TFCP2L1: variants seen among roughly 807,000 people sequenced by gnomAD.
TFCP2L1 encodes the protein transcription factor CP2-like protein 1.
Under a neutral mutation model 72.2 loss-of-function variants are expected in TFCP2L1, and 12 were observed. That is an observed-to-expected ratio of 0.17 (90% CI 0.11 to 0.27). The LOEUF is 0.27. Ranked by LOEUF, TFCP2L1 falls within the 10% of genes least tolerant of loss-of-function variation. TFCP2L1 has a pLI of 1.00. For missense variants in TFCP2L1, 488 were observed against 624.6 expected, an observed-to-expected ratio of 0.78 and a Z score of 2.33; for synonymous variants, 260 against 251.0, an observed-to-expected ratio of 1.04 and a Z score of -0.34.
chr2:121,220,358 T>C lies in TFCP2L1; in HGVS notation c.*3983A>G, dbSNP rs1685908090. 6.6e-6 allele frequency: 1 copy of C among 152,278 alleles called. No individual in the cohort carries two copies. The highest frequency in any genetic ancestry group is 2.1e-4 in the South Asian group (1 of 4,834). The allele number at this position is 152,278 out of a possible 1,614,324, so 9.4% of individuals were successfully genotyped here. A position where few individuals can be genotyped will look rare whatever the true frequency, so the allele number is the denominator to read the frequency against. ...TCCTGTCCTTTCCACAGGCATACCA[T>C]GCCCCTCCTCCAGCAAACCTATTAT... On this transcript the variant is annotated 3_prime_UTR_variant, in exon 15 of 15. Coordinates refer to ENST00000263707, the MANE Select transcript of TFCP2L1 (RefSeq NM_014553.3).
At chr2:121,232,536 GC>G (rs1686166528) in intron 12 of TFCP2L1, among the ~76,000 whole-genome samples, 1 of 152,178 alleles carries the variant, frequency 6.6e-6, no homozygotes, top group African/African-American at 2.4e-5. Context: ...ACCCAGATGG[GC>G]TGAAGGGAGT....
intron 2 of TFCP2L1, among the ~76,000 whole-genome samples, chr2:121,276,211 C>T (rs1687143348): frequency 6.6e-6 from 1 of 151,838 alleles, no homozygotes; most frequent in Admixed American, 6.6e-5. Context: ...TGCTATCCCT[C>T]CCCTTGTCCC....
intron 2 of TFCP2L1, among the ~76,000 whole-genome samples, chr2:121,269,237 C>A (rs78138885): frequency 0.028 from 4,205 of 151,492 alleles, 143 homozygotes; most frequent in African/African-American, 0.084. Flanking sequence ...TGGCTTGAGT[C>A]CAAGAGTTCG....
intron 7 of TFCP2L1, 91 bp from the exon 8 acceptor site, chr2:121,239,740 A>G: frequency 2.0e-5 from 24 of 1,205,702 alleles, no homozygotes; most frequent in Non-Finnish European, 2.7e-5. Context: ...ACTGACACCA[A>G]TGCATGAGAC....
chr2:121,236,992 G>A (rs531166239), intron 10 of TFCP2L1, among the ~76,000 whole-genome samples: 38 of 152,320 alleles, frequency 2.5e-4, no homozygotes, highest in Middle Eastern at 6.8e-3. Context: ...GAGGATGTGC[G>A]GGCGTCGTTT....
intron 2 of TFCP2L1, among the ~76,000 whole-genome samples, chr2:121,276,315 G>A (rs1019608699): frequency 1.6e-5 from 2 of 126,310 alleles, no homozygotes; most frequent in Non-Finnish European, 3.6e-5. Context: ...AATATGCGGA[G>A]TTTGGTTTTC....
chr2:121,269,932 T>C (rs1295738727), intron 2 of TFCP2L1, among the ~76,000 whole-genome samples: 1 of 114,386 alleles, frequency 8.7e-6, no homozygotes, highest in Non-Finnish European at 1.7e-5. Context: ...TATATATATA[T>C]ATATGCAAAA....
chr2:121,231,476 A>AC (rs2104666573), intron 13 of TFCP2L1, among the ~76,000 whole-genome samples: 1 of 152,216 alleles, frequency 6.6e-6, no homozygotes, highest in African/African-American at 2.4e-5. Context: ...CCCGGAGTCC[A>AC]CTTCACCTCT....
At chr2:121,232,742 C>T (rs768998481) in intron 12 of TFCP2L1, among the ~76,000 whole-genome samples, 1 of 152,156 alleles carries the variant, frequency 6.6e-6, no homozygotes, top group Non-Finnish European at 1.5e-5. Context: ...CAACACAAAC[C>T]ATACTCAGCC....
intron 2 of TFCP2L1, among the ~76,000 whole-genome samples, chr2:121,262,552 T>A: frequency 6.6e-6 from 1 of 152,126 alleles, no homozygotes. Flanking sequence ...CTGTCACAGA[T>A]CGATGAAGAC....
chr2:121,277,358 T>C (rs999863814), intron 2 of TFCP2L1, among the ~76,000 whole-genome samples: 3 of 152,146 alleles, frequency 2.0e-5, no homozygotes, highest in African/African-American at 7.2e-5. Context: ...AATGTTAGTT[T>C]AGGATTAAAT....
At chr2:121,232,023 G>A (rs940035960) in intron 12 of TFCP2L1, 55 bp from the exon 13 acceptor site, 3 of 1,531,540 alleles carry the variant, frequency 2.0e-6, no homozygotes, top group Non-Finnish European at 2.6e-6. Flanking sequence ...GTCAGTGTGA[G>A]CCTCCCACCC....
chr2:121,272,785 G>A (rs78022144), intron 2 of TFCP2L1, among the ~76,000 whole-genome samples: 6 of 152,262 alleles, frequency 3.9e-5, no homozygotes, highest in African/African-American at 1.4e-4. Flanking sequence ...TACCCATATG[G>A]CAGCACCTAC....
intron 2 of TFCP2L1, 147 bp from the exon 3 acceptor site, chr2:121,249,794 C>CT (rs1468615060): frequency 2.0e-5 from 15 of 738,798 alleles, no homozygotes; most frequent in South Asian, 3.5e-5. Flanking sequence ...CCACGACCAG[C>CT]TCAGCTCACT....
intron 13 of TFCP2L1, among the ~76,000 whole-genome samples, chr2:121,227,979 A>G (rs1488448491): frequency 6.6e-6 from 1 of 152,238 alleles, no homozygotes; most frequent in Non-Finnish European, 1.5e-5. Context: ...CCCTACGCAG[A>G]GCCCACATGG....
chr2:121,229,053 G>A (rs1686090271), intron 13 of TFCP2L1, among the ~76,000 whole-genome samples: 2 of 152,054 alleles, frequency 1.3e-5, no homozygotes, highest in Admixed American at 6.6e-5. Context: ...CCGAATAGCT[G>A]GGATTACAGG....
chr2:121,248,035 G>A (rs1558735514), intron 5 of TFCP2L1, 129 bp downstream of exon 5: 1 of 678,284 alleles, frequency 1.5e-6, no homozygotes. Flanking sequence ...CTCTCCTGCA[G>A]TTTCCTTCCC....
intron 2 of TFCP2L1, among the ~76,000 whole-genome samples, chr2:121,266,632 T>A (rs1157131047): frequency 1.3e-5 from 2 of 152,118 alleles, no homozygotes; most frequent in Non-Finnish European, 2.9e-5. Context: ...TCCAGATGGG[T>A]CATCAAGTCA....
At chr2:121,267,510 T>G (rs1686954497) in intron 2 of TFCP2L1, among the ~76,000 whole-genome samples, 1 of 152,138 alleles carries the variant, frequency 6.6e-6, no homozygotes, top group African/African-American at 2.4e-5. Context: ...TTTTTTTTTT[T>G]TGGGACGGAG....
Sources: gnomAD v4.1 joint callset for allele counts (sites outside exome capture counted in the v4.1 genomes callset) on GRCh38, gnomAD v4.1.1 for gene constraint, MANE v1.5 for transcripts, NCBI Gene and HGNC (gene_info 2026-07-23, HGNC 2026-07-21) for gene names.